Variants in ITGB8 observed in about 807,000 individuals in gnomAD.
ITGB8 encodes integrin subunit beta 8, also known as integrin beta-8.
A neutral mutation model predicts 89.5 loss-of-function variants in ITGB8; 30 were observed. That is an observed-to-expected ratio of 0.34 (90% CI 0.25 to 0.45). The LOEUF is 0.45. ITGB8 is among the 20% of genes least tolerant of loss of function. ITGB8 has a pLI of 1.00. For synonymous variants in ITGB8, 335 were observed against 320.4 expected (o/e 1.05, Z -0.49); for missense variants, 836 against 933.3 (o/e 0.90, Z 1.36).
At chr7:20,342,145 T>C (rs1175850639) in intron 1 of ITGB8, among the ~76,000 whole-genome samples, 2 of 152,184 alleles carry the variant, frequency 1.3e-5, no homozygotes, top group African/African-American at 4.8e-5. Context: ...TAGATGCTTC[T>C]AGCATGATAT....
intron 3 of ITGB8, among the ~76,000 whole-genome samples, chr7:20,372,874 T>G (rs542072624): frequency 6.6e-6 from 1 of 152,270 alleles, no homozygotes; most frequent in East Asian, 1.9e-4. Context: ...TGAAAATATG[T>G]TCTTAAAAAA....
chr7:20,347,490 TACTA>T (rs1784967228), intron 1 of ITGB8, among the ~76,000 whole-genome samples: 2 of 152,090 alleles, frequency 1.3e-5, no homozygotes, highest in African/African-American at 4.8e-5. Flanking sequence ...GAGTGAGAAA[TACTA>T]AAGACAGTAA....
intron 6 of ITGB8, among the ~76,000 whole-genome samples, chr7:20,384,114 T>C (rs1356406249): frequency 6.6e-6 from 1 of 152,182 alleles, no homozygotes; most frequent in East Asian, 1.9e-4. Flanking sequence ...GAAAGCTACC[T>C]TGACTTTGAC....
chr7:20,389,262 A>G (rs1233920467), intron 6 of ITGB8, among the ~76,000 whole-genome samples: 2 of 152,008 alleles, frequency 1.3e-5, no homozygotes, highest in East Asian at 1.9e-4. Context: ...AAGCATTCCT[A>G]TTTTTCCAAA....
In ITGB8 at chr7:20,413,747, T is replaced by G. The variant is rs1471902637; in HGVS notation, c.*3750T>G. 3.9e-5 allele frequency: 6 copies of G among 152,260 alleles called. No individual in the cohort carries two copies. The highest frequency in any genetic ancestry group is 4.1e-4 in the South Asian group (2 of 4,832). The allele number at this position is 152,260 out of a possible 1,614,324, so 9.4% of individuals were successfully genotyped here. ...CTAAATTTTCACAACTGTTTGAGCT[T>G]CTTTTCATTTTGAAGGATTTGGAAT... On this transcript the variant is annotated 3_prime_UTR_variant, in exon 14 of 14. Transcript: ENST00000222573.
At position 20,398,564 on chromosome 7, in the gene ITGB8, CT is replaced by C. The variant is rs1787181114; in HGVS notation, c.1147-295del. 2.0e-5 allele frequency among the ~76,000 whole-genome samples: 3 copies of C among 152,128 alleles called. No individual in the cohort carries two copies. The South Asian group carries it at 6.2e-4, about 31-fold the overall frequency. ...ATAGTTATTACTGGATTAAAAATGACTGTTTTGTTAACAGACTGATAAATAT... is the reference window on the plus strand; with the variant it reads ...ATAGTTATTACTGGATTAAAAATGACGTTTTGTTAACAGACTGATAAATAT... On this transcript the variant is annotated intron_variant, in intron 8 of 13. Coordinates refer to ENST00000222573, the MANE Select transcript of ITGB8 (RefSeq NM_002214.3).
rs571285259 is a variant in ITGB8 at position 20,331,856 on chromosome 7, A to C, written c.50A>C (p.Gln17Pro). Residue 17 changes from glutamine to proline, a missense_variant, in exon 1 of 14, where the codon CAA (glutamine) becomes CCA (proline). Physicochemically the swap from Gln to Pro is moderately conservative, Grantham distance 76. Around this residue, in one of 5 missense-constraint regions of ITGB8, gnomAD observed 182 missense variants for 177.0 expected, o/e 1.03. Transcript: ENST00000222573. Reference protein sequence around the residue: ...AFFTAAFVCLQNDRRGPASFL... With the variant: ...AFFTAAFVCLPNDRRGPASFL... ...TTTACCGCTGCATTTGTCTGCCTGC[A>C]AAACGACCGGCGAGGTCCCGCCTCG... The C allele has an allele frequency of 5.6e-6, 9 of 1,614,002 alleles. No homozygotes were observed. The South Asian group carries it at 7.7e-5, about 14-fold the overall frequency.
intron 1 of ITGB8, among the ~76,000 whole-genome samples, chr7:20,339,075 C>G (rs1784667414): frequency 6.6e-6 from 1 of 151,668 alleles, no homozygotes; most frequent in Non-Finnish European, 1.5e-5. Flanking sequence ...ACCTACAGTC[C>G]CAGCTACTCA....
intron 3 of ITGB8, among the ~76,000 whole-genome samples, chr7:20,373,352 G>A (rs993586443): frequency 6.6e-6 from 1 of 152,052 alleles, no homozygotes; most frequent in Non-Finnish European, 1.5e-5. Context: ...TGTTCTCTAA[G>A]GAAACTGGAT....
At chr7:20,346,172 A>G (rs1784916462) in intron 1 of ITGB8, among the ~76,000 whole-genome samples, 1 of 152,164 alleles carries the variant, frequency 6.6e-6, no homozygotes. Flanking sequence ...CTCCAAGCTC[A>G]AGGCTGTTAG....
At chr7:20,359,990 T>C (rs1297255937) in intron 1 of ITGB8, among the ~76,000 whole-genome samples, 2 of 152,220 alleles carry the variant, frequency 1.3e-5, no homozygotes, top group East Asian at 1.9e-4. Context: ...CTCCTCCAGA[T>C]CCATTTATGG....
rs1787332848 is a variant in ITGB8 at position 20,401,981 on chromosome 7, C to T, written c.1542C>T (p.His514=). The T allele has an allele frequency of 6.2e-7, 1 of 1,614,020 alleles. No individual in the cohort carries two copies. Among genetic ancestry groups the T allele is most frequent in the South Asian group, 1.1e-5 (1 of 91,092 alleles). Reference sequence around the variant, plus strand: ...TTTCTTCTGAGAGTTGCAAGTCACACAAGGATCAGCCTGTTTGCAGTGGTC... The same window carrying T: ...TTTCTTCTGAGAGTTGCAAGTCACATAAGGATCAGCCTGTTTGCAGTGGTC... The part of the protein sequence containing the change: ...DQFSSESCKS[H]KDQPVCSGRG... The change falls in exon 10 of 14, where the codon CAC becomes CAT. Residue 514 remains histidine, a synonymous_variant. Coordinates refer to ENST00000222573, the MANE Select transcript of ITGB8 (RefSeq NM_002214.3).
At chr7:20,372,922 AAT>A (rs1264741828) in intron 3 of ITGB8, among the ~76,000 whole-genome samples, 2 of 152,200 alleles carry the variant, frequency 1.3e-5, no homozygotes, top group Non-Finnish European at 2.9e-5. Flanking sequence ...CTTAGGGCAT[AAT>A]ATATAAAGCT....
At chr7:20,363,007 TAACTA>T (rs1785562472) in intron 1 of ITGB8, among the ~76,000 whole-genome samples, 1 of 152,202 alleles carries the variant, frequency 6.6e-6, no homozygotes, top group Non-Finnish European at 1.5e-5. Context: ...GAAATTAAAT[TAACTA>T]AAACAACTCA....
At chr7:20,337,778 C>CA (rs1177674194) in intron 1 of ITGB8, among the ~76,000 whole-genome samples, 29 of 152,292 alleles carry the variant, frequency 1.9e-4, no homozygotes, top group African/African-American at 6.3e-4. Flanking sequence ...GTCCTCAGGC[C>CA]ATTGACCTCA....
chr7:20,373,728 C>T (rs1786025396), intron 3 of ITGB8, among the ~76,000 whole-genome samples: 1 of 152,196 alleles, frequency 6.6e-6, no homozygotes, highest in Non-Finnish European at 1.5e-5. Context: ...CCTTCTCCTT[C>T]CCCTGCTGAA....
At chr7:20,345,329 G>A (rs1157603221) in intron 1 of ITGB8, among the ~76,000 whole-genome samples, 8 of 151,830 alleles carry the variant, frequency 5.3e-5, no homozygotes, top group Non-Finnish European at 1.2e-4. Flanking sequence ...AAAACATTAG[G>A]AAACTAAAGG....
intron 3 of ITGB8, among the ~76,000 whole-genome samples, chr7:20,373,273 C>T (rs942595055): frequency 2.0e-5 from 3 of 151,994 alleles, no homozygotes; most frequent in Admixed American, 6.6e-5. Flanking sequence ...TTATAATATA[C>T]TTTTTCTTAT....
chr7:20,362,358 G>A (rs974522114), intron 1 of ITGB8, among the ~76,000 whole-genome samples: 2 of 152,174 alleles, frequency 1.3e-5, no homozygotes, highest in Non-Finnish European at 2.9e-5. Context: ...ATGTGCATGA[G>A]TGTGCACATG....
Sources: gnomAD v4.1 joint callset for allele counts (sites outside exome capture counted in the v4.1 genomes callset) on GRCh38, gnomAD v4.1.1 for gene constraint, gnomAD v4.1.1 regional missense constraint, MANE v1.5 for transcripts, NCBI Gene and HGNC (gene_info 2026-07-23, HGNC 2026-07-21) for gene names.